The following PCDHA9 variants were observed in gnomAD, a reference collection of about 807,000 sequenced individuals.
PCDHA9 encodes the protein protocadherin alpha 9.
Under a neutral mutation model 62.0 loss-of-function variants are expected in PCDHA9, and 62 were observed. The observed-to-expected ratio is 1.00, with a 90% CI of 0.81 to 1.23. PCDHA9 has a LOEUF of 1.23. Ranked by LOEUF, PCDHA9 falls within the 50% of genes most tolerant of loss-of-function variation. The pLI is 0.00. For missense variants in PCDHA9, 1,205 were observed against 1,249.8 expected, an observed-to-expected ratio of 0.96 and a Z score of 0.54; for synonymous variants, 557 against 567.6, an observed-to-expected ratio of 0.98 and a Z score of 0.27.
In PCDHA9 at chr5:140,883,265, C is replaced by G. The variant is rs782741439; in HGVS notation, c.2394+32376C>G. 4.5e-5 allele frequency: 73 copies of G among 1,613,790 alleles called. No homozygotes were observed. The highest frequency in any genetic ancestry group is 6.0e-5 in the Non-Finnish European group (71 of 1,179,996). ...CAAAGGAAATATTCCAATGGCGGGTCATTGTACCCTTTTGGTGGAAGTACT... is the reference window on the plus strand; with the variant it reads ...CAAAGGAAATATTCCAATGGCGGGTGATTGTACCCTTTTGGTGGAAGTACT... On this transcript the variant is annotated intron_variant, in intron 1 of 3. Transcript: ENST00000532602.
intron 3 of PCDHA9, among the ~76,000 whole-genome samples, chr5:140,985,312 G>C (rs961087434): frequency 2.0e-5 from 3 of 152,102 alleles, no homozygotes; most frequent in Non-Finnish European, 2.9e-5. Flanking sequence ...TAGCCTGGTG[G>C]CCAGAATTCA....
chr5:140,927,997 C>T (rs139322203), intron 1 of PCDHA9: 298 of 1,614,182 alleles, frequency 1.8e-4, no homozygotes, highest in Admixed American at 5.8e-4. Context: ...GGATGAAGAC[C>T]TCGATTCTAA....
chr5:140,929,257 C>G, intron 1 of PCDHA9: 2 of 1,612,972 alleles, frequency 1.2e-6, no homozygotes, highest in Admixed American at 3.3e-5. Flanking sequence ...TGGGGTAGGA[C>G]TGAATTTGCC....
At chr5:140,989,530 AG>A (rs1249109717) in intron 3 of PCDHA9, among the ~76,000 whole-genome samples, 1 of 152,200 alleles carries the variant, frequency 6.6e-6, no homozygotes, top group Non-Finnish European at 1.5e-5. Context: ...CAGAGGAGGA[AG>A]ATAGTTTGTA....
rs576037609 is a variant in PCDHA9, at chr5:140,856,982, A to C, written c.2394+6093A>C. 1.2e-5 allele frequency: 19 copies of C among 1,595,040 alleles called. 1 individual carries two copies. In the South Asian group the frequency reaches 1.9e-4, roughly 16 times the overall value. ...AAATGATGCTATTGACTTTGAGGAC[A>C]GTAACACTTATGAAATTCATGTAGA... is the stretch of plus-strand genomic sequence containing the variant. On this transcript the variant is annotated intron_variant, in intron 1 of 3. Transcript: ENST00000532602.
intron 1 of PCDHA9, among the ~76,000 whole-genome samples, chr5:140,913,536 C>A (rs949214910): frequency 4.6e-5 from 7 of 151,882 alleles, no homozygotes; most frequent in Non-Finnish European, 8.8e-5. Context: ...AAAAGATTGA[C>A]TTTTTGTTTT....
chr5:140,878,378 G>T (rs1449332570), intron 1 of PCDHA9, among the ~76,000 whole-genome samples: 3 of 152,178 alleles, frequency 2.0e-5, no homozygotes, highest in African/African-American at 7.2e-5. Flanking sequence ...TATGATGAAT[G>T]ATTTTCTTCA....
intron 1 of PCDHA9, among the ~76,000 whole-genome samples, chr5:140,911,116 C>G (rs1184319768): frequency 6.6e-6 from 1 of 152,142 alleles, no homozygotes; most frequent in Non-Finnish European, 1.5e-5. Flanking sequence ...GAAGCCATCA[C>G]TGTTGCCTCA....
chr5:140,923,924 T>C (rs968133405), intron 1 of PCDHA9, among the ~76,000 whole-genome samples: 15 of 152,220 alleles, frequency 9.9e-5, no homozygotes. Context: ...TACTGTTCTC[T>C]GTATGCATTT....
rs155802 is a variant in PCDHA9, at chr5:140,917,330, A to C, written c.2395-61619A>C. 5.0e-3 allele frequency among the ~76,000 whole-genome samples: 514 copies of C among 103,230 alleles called. 31 individuals carry two copies. The highest frequency in any genetic ancestry group is 8.4e-3 in the Non-Finnish European group (403 of 48,222). The allele number at this position is 103,230 out of a possible 152,430, so 67.7% of individuals were successfully genotyped here. A position where few individuals can be genotyped will look rare whatever the true frequency, so the allele number is the denominator to read the frequency against. On this transcript the variant is annotated intron_variant, in intron 1 of 3. Coordinates refer to ENST00000532602, the MANE Select transcript of PCDHA9 (RefSeq NM_031857.2). ...CAATTTGGTGTTCATGTGGCGGGGG[A>C]GGGGGGGGATGGTGTAGGCTTCTGT...
At chr5:140,994,451 C>T (rs782287082) in intron 3 of PCDHA9, among the ~76,000 whole-genome samples, 14 of 152,116 alleles carry the variant, frequency 9.2e-5, no homozygotes, top group Non-Finnish European at 1.6e-4. Flanking sequence ...ACCTGTGATC[C>T]CAGCACTTTG....
intron 1 of PCDHA9, among the ~76,000 whole-genome samples, chr5:140,958,658 A>T (rs1207660771): frequency 6.6e-6 from 1 of 152,174 alleles, no homozygotes; most frequent in African/African-American, 2.4e-5. Flanking sequence ...GAAAGCTATG[A>T]TGAAATTTTA....
chr5:140,947,784 T>C (rs2094176527), intron 1 of PCDHA9, among the ~76,000 whole-genome samples: 1 of 151,672 alleles, frequency 6.6e-6, no homozygotes, highest in Non-Finnish European at 1.5e-5. Context: ...AAATGGATTT[T>C]AAACAGACTT....
chr5:140,980,360 G>A (rs1173525969), intron 2 of PCDHA9, among the ~76,000 whole-genome samples: 4 of 152,142 alleles, frequency 2.6e-5, no homozygotes, highest in Middle Eastern at 3.2e-3. Context: ...GACTGGGCGC[G>A]GTGGCTCACA....
At chr5:140,906,926 T>C (rs1217312413) in intron 1 of PCDHA9, among the ~76,000 whole-genome samples, 1 of 152,194 alleles carries the variant, frequency 6.6e-6, no homozygotes, top group Non-Finnish European at 1.5e-5. Flanking sequence ...CCAAAAAGTG[T>C]CCCGGTGTCA....
chr5:140,883,851 T>C, intron 1 of PCDHA9: 1 of 1,612,946 alleles, frequency 6.2e-7, no homozygotes, highest in African/African-American at 1.3e-5. Context: ...CACGAGGAGC[T>C]GGAGCTGTTG....
At chr5:140,883,577 G>A (rs782633953) in intron 1 of PCDHA9, 3 of 1,614,052 alleles carry the variant, frequency 1.9e-6, no homozygotes, top group Non-Finnish European at 2.5e-6. Context: ...TTCGCTGTGG[G>A]CCACGGCCAG....
intron 1 of PCDHA9, chr5:140,857,501 G>C (rs1554150129): frequency 6.3e-7 from 1 of 1,598,242 alleles, no homozygotes; most frequent in Non-Finnish European, 8.6e-7. Flanking sequence ...GGACGCGCAG[G>C]AGAACGCCCT....
At chr5:140,966,997 G>A in intron 1 of PCDHA9, 3 of 1,604,812 alleles carry the variant, frequency 1.9e-6, no homozygotes, top group Non-Finnish European at 2.5e-6. Flanking sequence ...CGGGTTGCTT[G>A]CGCATCAACC....
Sources: gnomAD v4.1 joint callset for allele counts (sites outside exome capture counted in the v4.1 genomes callset) on GRCh38, gnomAD v4.1.1 for gene constraint, MANE v1.5 for transcripts, NCBI Gene and HGNC (gene_info 2026-07-23, HGNC 2026-07-21) for gene names.